KCNIP4: variants seen among roughly 807,000 people sequenced by gnomAD.
KCNIP4 encodes Kv channel-interacting protein 4.
A neutral mutation model predicts 34.0 loss-of-function variants in KCNIP4; 12 were observed. The observed-to-expected ratio is 0.35, with a 90% CI of 0.23 to 0.57. The LOEUF (loss-of-function observed/expected upper bound fraction) is 0.57. Among genes scored for constraint, KCNIP4 ranks in the 20% least tolerant of loss-of-function variants. KCNIP4 has a pLI of 0.83. For synonymous variants in KCNIP4, 124 were observed against 102.2 expected, an observed-to-expected ratio of 1.21 and a Z score of -1.29; for missense variants, 238 against 311.7, an observed-to-expected ratio of 0.76 and a Z score of 1.78.
intron 1 of KCNIP4, among the ~76,000 whole-genome samples, chr4:21,818,369 G>A (rs1310021987): frequency 6.6e-6 from 1 of 152,186 alleles, no homozygotes; most frequent in African/African-American, 2.4e-5. Context: ...TTGTAGAGAT[G>A]CATGTTCATG....
intron 3 of KCNIP4, among the ~76,000 whole-genome samples, chr4:20,833,650 G>A (rs1043633678): frequency 9.9e-5 from 15 of 151,808 alleles, no homozygotes; most frequent in Admixed American, 3.3e-4. Context: ...GGTCCTTTAC[G>A]CAAAATAATT....
intron 1 of KCNIP4, among the ~76,000 whole-genome samples, chr4:21,528,739 GA>G (rs1218978796): frequency 1.7e-4 from 1 of 5,718 alleles, no homozygotes; most frequent in African/African-American, 8.4e-4. Flanking sequence ...AAGAAAGAAA[GA>G]AAGAAAGAAA....
intron 1 of KCNIP4, among the ~76,000 whole-genome samples, chr4:21,266,798 G>A (rs1761838714): frequency 6.6e-6 from 1 of 151,698 alleles, no homozygotes; most frequent in African/African-American, 2.4e-5. Flanking sequence ...TGGACACCAT[G>A]GTAAGGAGCC....
At chr4:21,893,265 T>C (rs183935801) in intron 1 of KCNIP4, among the ~76,000 whole-genome samples, 11 of 152,306 alleles carry the variant, frequency 7.2e-5, no homozygotes, top group Middle Eastern at 3.4e-3. Flanking sequence ...GTACATGCCA[T>C]TGCATATCTA....
intron 1 of KCNIP4, among the ~76,000 whole-genome samples, chr4:21,535,908 T>G (rs1180913760): frequency 6.6e-6 from 1 of 152,022 alleles, no homozygotes; most frequent in Non-Finnish European, 1.5e-5. Flanking sequence ...TTCCTGAAAA[T>G]CAAAATTTTG....
chr4:21,612,495 G>A (rs1217377819), intron 1 of KCNIP4, among the ~76,000 whole-genome samples: 2 of 152,178 alleles, frequency 1.3e-5, no homozygotes, highest in African/African-American at 4.8e-5. Flanking sequence ...TTGAATCATG[G>A]AATTTTAAAG....
intron 1 of KCNIP4, among the ~76,000 whole-genome samples, chr4:21,615,851 C>A (rs1046350114): frequency 2.0e-5 from 3 of 152,200 alleles, no homozygotes; most frequent in Non-Finnish European, 2.9e-5. Context: ...TATAATGCAA[C>A]CATTCTGCAA....
intron 1 of KCNIP4, among the ~76,000 whole-genome samples, chr4:21,331,349 T>A (rs534540884): frequency 3.3e-5 from 5 of 152,102 alleles, no homozygotes; most frequent in Non-Finnish European, 7.4e-5. Flanking sequence ...TTGTTCTCCC[T>A]CTCTCTCAAT....
intron 1 of KCNIP4, among the ~76,000 whole-genome samples, chr4:21,469,897 A>T (rs552060786): frequency 6.6e-6 from 1 of 152,346 alleles, no homozygotes; most frequent in South Asian, 2.1e-4. Context: ...ACTACACAAC[A>T]TAATCATGTA....
intron 3 of KCNIP4, among the ~76,000 whole-genome samples, chr4:20,822,421 T>C (rs903751164): frequency 2.6e-5 from 4 of 151,956 alleles, no homozygotes; most frequent in African/African-American, 9.7e-5. Flanking sequence ...CAAAAAACAA[T>C]AGATGTTGGT....
At chr4:21,502,614 T>A (rs1733462736) in intron 1 of KCNIP4, among the ~76,000 whole-genome samples, 1 of 152,184 alleles carries the variant, frequency 6.6e-6, no homozygotes, top group African/African-American at 2.4e-5. Flanking sequence ...TCTGTGAAAT[T>A]TTGCCTAAGT....
At chr4:21,294,552 G>C (rs915102494) in intron 1 of KCNIP4, among the ~76,000 whole-genome samples, 1 of 152,174 alleles carries the variant, frequency 6.6e-6, no homozygotes, top group Non-Finnish European at 1.5e-5. Flanking sequence ...TCCTATAATT[G>C]TGGCTAATAA....
At chr4:21,304,089 G>GAGAGAGAGAGAC in intron 1 of KCNIP4, 1 of 302,834 alleles carries the variant, frequency 3.3e-6, no homozygotes, top group Non-Finnish European at 5.0e-6. Flanking sequence ...GAGAGAGACA[G>GAGAGAGAGAGAC]AGAGAGAGAG....
At chr4:21,556,920 C>CAAA (rs1281543089) in intron 1 of KCNIP4, among the ~76,000 whole-genome samples, 22 of 35,598 alleles carry the variant, frequency 6.2e-4, no homozygotes, top group African/African-American at 2.2e-3. Flanking sequence ...GACTCCATCT[C>CAAA]AGAAAAAAAA....
intron 1 of KCNIP4, among the ~76,000 whole-genome samples, chr4:21,343,778 G>T (rs1469140039): frequency 6.6e-6 from 1 of 151,928 alleles, no homozygotes; most frequent in African/African-American, 2.4e-5. Context: ...GCTCTTTTTT[G>T]CCACACCTGA....
chr4:21,884,722 A>G (rs1360594880), intron 1 of KCNIP4, among the ~76,000 whole-genome samples: 1 of 152,130 alleles, frequency 6.6e-6, no homozygotes, highest in Non-Finnish European at 1.5e-5. Flanking sequence ...AGGGCCAACC[A>G]GAAGAAAAGG....
intron 2 of KCNIP4, among the ~76,000 whole-genome samples, chr4:20,874,859 C>T (rs903169535): frequency 1.3e-5 from 2 of 152,058 alleles, no homozygotes; most frequent in Admixed American, 1.3e-4. Flanking sequence ...AATATCTGAA[C>T]GATAGGGCCA....
intron 1 of KCNIP4, among the ~76,000 whole-genome samples, chr4:21,235,083 A>T (rs1469139038): frequency 6.6e-6 from 1 of 152,222 alleles, no homozygotes; most frequent in African/African-American, 2.4e-5. Context: ...AGTAGTCAAT[A>T]TAATGACTAT....
chr4:21,914,763 T>C (rs1578139799), intron 1 of KCNIP4, among the ~76,000 whole-genome samples: 2 of 152,206 alleles, frequency 1.3e-5, no homozygotes, highest in African/African-American at 4.8e-5. Context: ...TTTACATATA[T>C]GGGGAGAGTC....
Sources: gnomAD v4.1 joint callset for allele counts (sites outside exome capture counted in the v4.1 genomes callset) on GRCh38, gnomAD v4.1.1 for gene constraint, MANE v1.5 for transcripts, NCBI Gene and HGNC (gene_info 2026-07-23, HGNC 2026-07-21) for gene names.